PARP4: variants seen among roughly 807,000 people sequenced by gnomAD.
PARP4 encodes poly(ADP-ribose) polymerase family member 4.
Under a neutral mutation model 187.7 loss-of-function variants are expected in PARP4, and 120 were observed. The ratio of observed to expected loss-of-function variants is 0.64; its 90% CI spans 0.55 to 0.74. The LOEUF is 0.74. Ranked by LOEUF, PARP4 falls within the 30% of genes least tolerant of loss-of-function variation. PARP4 has a pLI of 0.00. For missense variants in PARP4, 1,836 were observed against 2,070.5 expected (o/e 0.89, Z 2.20); for synonymous variants, 654 against 740.9 (o/e 0.88, Z 1.90).
chr13:24,487,845 G>A (rs1315040021), intron 10 of PARP4, among the ~76,000 whole-genome samples: 1 of 152,184 alleles, frequency 6.6e-6, no homozygotes, highest in Non-Finnish European at 1.5e-5. Flanking sequence ...GGGTGATTCA[G>A]GCTGGGTTAT....
chr13:24,456,119 G>A (rs9581056), intron 21 of PARP4, among the ~76,000 whole-genome samples: 2 of 151,986 alleles, frequency 1.3e-5, no homozygotes, highest in African/African-American at 4.8e-5. Flanking sequence ...GTAAAAATGC[G>A]AATTTGTACA....
intron 30 of PARP4, among the ~76,000 whole-genome samples, chr13:24,436,607 CA>C (rs1473723638): frequency 4.6e-5 from 7 of 152,204 alleles, no homozygotes; most frequent in African/African-American, 1.7e-4. Flanking sequence ...TGTGTCCAGC[CA>C]AAAGCTTTCA....
intron 9 of PARP4, among the ~76,000 whole-genome samples, chr13:24,492,072 T>A (rs770360942): frequency 6.6e-6 from 1 of 152,188 alleles, no homozygotes; most frequent in Non-Finnish European, 1.5e-5. Context: ...CAGCTGGACT[T>A]CTTATTGTCT....
At chr13:24,445,091 C>T (rs918596309) in intron 27 of PARP4, among the ~76,000 whole-genome samples, 2 of 152,166 alleles carry the variant, frequency 1.3e-5, no homozygotes, top group Non-Finnish European at 2.9e-5. Flanking sequence ...CACAATCCTA[C>T]CCGCCTCTGT....
intron 3 of PARP4, 83 bp from the exon 4 acceptor site, chr13:24,500,465 G>C (rs1357519519): frequency 1.2e-6 from 1 of 837,666 alleles, no homozygotes; most frequent in African/African-American, 1.7e-5. Flanking sequence ...GAATTGTTAA[G>C]ATTCATAAAT....
At chr13:24,428,518 T>C (rs888162102) in intron 32 of PARP4, among the ~76,000 whole-genome samples, 1 of 152,240 alleles carries the variant, frequency 6.6e-6, no homozygotes, top group African/African-American at 2.4e-5. Flanking sequence ...TCTCACTTTG[T>C]CACCTGGGCT....
intron 21 of PARP4, among the ~76,000 whole-genome samples, chr13:24,456,139 T>A (rs575474265): frequency 6.6e-6 from 1 of 152,328 alleles, no homozygotes; most frequent in East Asian, 1.9e-4. Flanking sequence ...AGGCAAATCA[T>A]CCACATAAGG....
chr13:24,478,996 G>A (rs1223934723), intron 12 of PARP4, among the ~76,000 whole-genome samples: 1 of 152,210 alleles, frequency 6.6e-6, no homozygotes, highest in Non-Finnish European at 1.5e-5. Flanking sequence ...TACCAAGTGA[G>A]TAAGAACTGG....
At chr13:24,439,326 CAAAA>C (rs34752537) in intron 30 of PARP4, among the ~76,000 whole-genome samples, 5 of 139,702 alleles carry the variant, frequency 3.6e-5, no homozygotes, top group Admixed American at 7.1e-5. Flanking sequence ...GACCCTGTCT[CAAAA>C]AAAAAAAAAA....
intron 24 of PARP4, among the ~76,000 whole-genome samples, chr13:24,451,498 G>C (rs1018382922): frequency 6.6e-6 from 1 of 152,274 alleles, no homozygotes; most frequent in Non-Finnish European, 1.5e-5. Flanking sequence ...GGCCATGGAG[G>C]GGCATCGGGG....
intron 12 of PARP4, among the ~76,000 whole-genome samples, chr13:24,480,668 T>C (rs567630793): frequency 8.7e-4 from 133 of 152,364 alleles, no homozygotes; most frequent in African/African-American, 3.1e-3. Context: ...AGCATTCTCT[T>C]AAGCCAAAGC....
chr13:24,475,072 G>A lies in PARP4; in HGVS notation c.1914+400C>T, dbSNP rs562189008. Among the ~76,000 whole-genome samples, 15 of 152,326 alleles carry A rather than the reference G, an allele frequency of 9.8e-5. No homozygotes were observed. The South Asian group carries it at 3.1e-3, about 32-fold the overall frequency. On this transcript the variant is annotated intron_variant, in intron 15 of 33. Coordinates refer to ENST00000381989, the MANE Select transcript of PARP4 (RefSeq NM_006437.4). ...CCCACTTCCTTCAGGTCTGTATGCAGATGTCACCTTCTCAGGGAGGCCTCC... is the reference window on the plus strand; with the variant it reads ...CCCACTTCCTTCAGGTCTGTATGCAAATGTCACCTTCTCAGGGAGGCCTCC...
chr13:24,475,618 A>AT (rs1460882042), intron 14 of PARP4, 22 bp from the exon 15 acceptor site: 1 of 1,610,678 alleles, frequency 6.2e-7, no homozygotes, highest in Admixed American at 1.7e-5. Context: ...AAATGTTACT[A>AT]TTAGCTTTCA....
rs771094260 is a variant in PARP4, at chr13:24,486,169, G to A, written c.1351C>T (p.Arg451Ter). 27 of 1,607,986 alleles carry A rather than the reference G, an allele frequency of 1.7e-5. No individual in the cohort carries two copies. The highest frequency in any genetic ancestry group is 4.0e-5 in the African/African-American group (3 of 74,664). The stretch of plus-strand genomic sequence containing the variant: ...AAAAATAAAGATGGCTACTCTTACC[G>A]ACACAAGATTCCCACGATGTTTTGT... ...PVQNIVGILC[R>*]GLLLPKVVED... Residue 451 changes from arginine (R) to a stop codon, truncating the protein, a stop_gained and splice_region_variant, in exon 11 of 34, where the codon CGA becomes TGA. Coordinates refer to ENST00000381989, the MANE Select transcript of PARP4 (RefSeq NM_006437.4). LOFTEE classifies it high-confidence loss of function.
intron 32 of PARP4, among the ~76,000 whole-genome samples, chr13:24,427,040 A>G (rs560115669): frequency 6.6e-5 from 10 of 152,220 alleles, no homozygotes; most frequent in African/African-American, 1.7e-4. Context: ...TGTGCCTATG[A>G]TATTATCCTG....
chr13:24,428,945 G>T (rs1245137066), intron 32 of PARP4, among the ~76,000 whole-genome samples: 1 of 152,080 alleles, frequency 6.6e-6, no homozygotes, highest in African/African-American at 2.4e-5. Flanking sequence ...TGAAACCCTG[G>T]TTACACAAAT....
At chr13:24,501,152 G>A (rs1157974813) in intron 3 of PARP4, among the ~76,000 whole-genome samples, 1 of 152,208 alleles carries the variant, frequency 6.6e-6, no homozygotes, top group Non-Finnish European at 1.5e-5. Flanking sequence ...TGTGATTTTT[G>A]ATATGACTCA....
intron 21 of PARP4, among the ~76,000 whole-genome samples, chr13:24,456,054 T>C (rs1335286308): frequency 2.0e-5 from 3 of 152,204 alleles, no homozygotes; most frequent in Non-Finnish European, 2.9e-5. Flanking sequence ...TAACAAGTTA[T>C]AGAGAATACC....
chr13:24,429,787 T>C (rs1252775315), intron 32 of PARP4, among the ~76,000 whole-genome samples: 1 of 152,206 alleles, frequency 6.6e-6, no homozygotes, highest in Non-Finnish European at 1.5e-5. Flanking sequence ...GCGGGGTATC[T>C]GGATGCAGAT....
Sources: gnomAD v4.1 joint callset for allele counts (sites outside exome capture counted in the v4.1 genomes callset) on GRCh38, gnomAD v4.1.1 for gene constraint, MANE v1.5 for transcripts, NCBI Gene and HGNC (gene_info 2026-07-23, HGNC 2026-07-21) for gene names.